Variants in RBPMS observed in about 807,000 individuals in gnomAD.
The protein encoded by RBPMS is RNA-binding protein with multiple splicing.
RBPMS carries 7 observed loss-of-function variants against 26.8 expected under a neutral mutation model. The observed-to-expected ratio is 0.26, with a 90% CI of 0.15 to 0.49. RBPMS has a LOEUF of 0.49. Among genes scored for constraint, RBPMS ranks in the 20% least tolerant of loss-of-function variants. The probability of loss-of-function intolerance (pLI) is 0.98; values close to 1 mark genes in which losing one functional copy is unlikely to be tolerated. For synonymous variants in RBPMS, 96 were observed against 93.3 expected, an observed-to-expected ratio of 1.03 and a Z score of -0.17; for missense variants, 186 against 250.0, an observed-to-expected ratio of 0.74 and a Z score of 1.73.
At chr8:30,521,547 C>A (rs1192490017) in intron 5 of RBPMS, among the ~76,000 whole-genome samples, 1 of 152,082 alleles carries the variant, frequency 6.6e-6, no homozygotes, top group African/African-American at 2.4e-5. Context: ...ATGCTTATTT[C>A]CCTGCTTCTC....
At chr8:30,426,434 TTC>T (rs1811355359) in intron 1 of RBPMS, among the ~76,000 whole-genome samples, 1 of 152,212 alleles carries the variant, frequency 6.6e-6, no homozygotes, top group Admixed American at 6.5e-5. Context: ...CGGGAGGCTT[TTC>T]TTAGGAGAAT....
intron 1 of RBPMS, among the ~76,000 whole-genome samples, chr8:30,426,339 T>A (rs890104033): frequency 4.6e-5 from 7 of 152,228 alleles, no homozygotes; most frequent in African/African-American, 1.7e-4. Context: ...AAAGTTTCTT[T>A]TAAATATTAC....
At chr8:30,493,718 G>T (rs769477780) in intron 4 of RBPMS, among the ~76,000 whole-genome samples, 21 of 152,072 alleles carry the variant, frequency 1.4e-4, no homozygotes, top group Non-Finnish European at 3.1e-4. Context: ...CATTGTCAGG[G>T]CCCAGGTCTT....
At chr8:30,524,330 A>T (rs929380887) in intron 5 of RBPMS, among the ~76,000 whole-genome samples, 6 of 152,156 alleles carry the variant, frequency 3.9e-5, no homozygotes, top group Non-Finnish European at 8.8e-5. Flanking sequence ...TAATTTGCCA[A>T]ACAGTGCTGT....
At chr8:30,512,755 T>C (rs547813762) in intron 5 of RBPMS, among the ~76,000 whole-genome samples, 1 of 152,318 alleles carries the variant, frequency 6.6e-6, no homozygotes, top group Admixed American at 6.5e-5. Flanking sequence ...CATACTATAC[T>C]TAAACAAATT....
chr8:30,443,702 T>G (rs2915601), intron 1 of RBPMS, among the ~76,000 whole-genome samples: 1 of 151,590 alleles, frequency 6.6e-6, no homozygotes, highest in African/African-American at 2.4e-5. Flanking sequence ...TCAAGTGATT[T>G]TCCTGCCTCA....
intron 2 of RBPMS, 100 bp downstream of exon 2, chr8:30,474,956 C>G: frequency 1.3e-6 from 1 of 794,632 alleles, no homozygotes; most frequent in South Asian, 1.5e-5. Flanking sequence ...GAGAAGAAAA[C>G]AGATGTTTTT....
At chr8:30,485,948 T>C (rs1818723331) in intron 4 of RBPMS, among the ~76,000 whole-genome samples, 2 of 152,240 alleles carry the variant, frequency 1.3e-5, no homozygotes, top group Admixed American at 1.3e-4. Context: ...AAAAAACAAA[T>C]GAAGATGCAT....
chr8:30,497,917 C>T (rs1477133033), intron 4 of RBPMS, among the ~76,000 whole-genome samples: 5 of 151,892 alleles, frequency 3.3e-5, no homozygotes, highest in African/African-American at 9.7e-5. Flanking sequence ...CCACCAAGCC[C>T]GGCCACAAGG....
chr8:30,444,458 G>C lies in RBPMS; in HGVS notation c.67-30321G>C, dbSNP rs375917673. 3.3e-5 allele frequency among the ~76,000 whole-genome samples: 5 copies of C among 152,346 alleles called. No individual in the cohort carries two copies. In the East Asian group the frequency reaches 5.8e-4, roughly 18 times the overall value. ...ATTTAGATTTTGGAGTTGTGGATTA[G>C]AGGTTGTGGAGTCATATGTAAACCA... On this transcript the variant is annotated intron_variant, in intron 1 of 8. Transcript: ENST00000397323.
chr8:30,470,112 G>A (rs960582788), intron 1 of RBPMS, among the ~76,000 whole-genome samples: 5 of 152,190 alleles, frequency 3.3e-5, no homozygotes, highest in Non-Finnish European at 5.9e-5. Context: ...GGCCGGGCAC[G>A]GTGGCTCACA....
intron 4 of RBPMS, among the ~76,000 whole-genome samples, chr8:30,502,134 C>A (rs891528723): frequency 4.6e-5 from 5 of 108,952 alleles, no homozygotes; most frequent in African/African-American, 1.9e-4. Context: ...ATTTTAACTT[C>A]TGAGCTTTTT....
intron 1 of RBPMS, among the ~76,000 whole-genome samples, chr8:30,431,751 CCT>C (rs1283329110): frequency 6.6e-6 from 1 of 152,110 alleles, no homozygotes; most frequent in Non-Finnish European, 1.5e-5. Context: ...CGCGCCCAGC[CCT>C]CTCTTTCAAT....
chr8:30,410,240 T>C (rs980782948), intron 1 of RBPMS, among the ~76,000 whole-genome samples: 4 of 152,006 alleles, frequency 2.6e-5, no homozygotes, highest in Non-Finnish European at 5.9e-5. Flanking sequence ...GGAGTCTCGC[T>C]CTGTTGCCCA....
chr8:30,459,063 A>G (rs1815589772), intron 1 of RBPMS, among the ~76,000 whole-genome samples: 1 of 151,242 alleles, frequency 6.6e-6, no homozygotes, highest in Non-Finnish European at 1.5e-5. Flanking sequence ...TCCTGGGTTC[A>G]AGCGATTCTC....
intron 7 of RBPMS, among the ~76,000 whole-genome samples, chr8:30,563,865 G>C (rs1322162833): frequency 2.0e-5 from 3 of 152,186 alleles, no homozygotes; most frequent in Non-Finnish European, 2.9e-5. Context: ...TCCATGTCAT[G>C]CTATCACACT....
chr8:30,503,216 CA>C (rs1165674173), intron 4 of RBPMS, among the ~76,000 whole-genome samples: 1 of 152,148 alleles, frequency 6.6e-6, no homozygotes, highest in Non-Finnish European at 1.5e-5. Flanking sequence ...CAGAGTTGTT[CA>C]TCCTGGTCTC....
At chr8:30,413,532 A>T (rs758680844) in intron 1 of RBPMS, among the ~76,000 whole-genome samples, 9 of 152,270 alleles carry the variant, frequency 5.9e-5, no homozygotes, top group South Asian at 4.1e-4. Context: ...GTGCTATCAC[A>T]GGTGAATCCT....
intron 1 of RBPMS, among the ~76,000 whole-genome samples, chr8:30,425,813 TCTC>T (rs935536851): frequency 1.6e-4 from 25 of 152,252 alleles, no homozygotes; most frequent in African/African-American, 5.5e-4. Context: ...CTTCCTAAGT[TCTC>T]CTAACAATCC....
Sources: gnomAD v4.1 joint callset for allele counts (sites outside exome capture counted in the v4.1 genomes callset) on GRCh38, gnomAD v4.1.1 for gene constraint, MANE v1.5 for transcripts, NCBI Gene and HGNC (gene_info 2026-07-23, HGNC 2026-07-21) for gene names.